The following TMEM51 variants were observed in gnomAD, a reference collection of about 807,000 sequenced individuals.
The protein encoded by TMEM51 is chromosome 1 open reading frame 72.
Under a neutral mutation model 13.6 loss-of-function variants are expected in TMEM51, and 8 were observed. The observed-to-expected ratio is 0.59, with a 90% CI of 0.35 to 1.07. TMEM51 has a LOEUF of 1.07. TMEM51 is among the 50% of genes least tolerant of loss of function. The pLI is 0.02. For missense variants in TMEM51, 279 were observed against 330.7 expected (o/e 0.84, Z 1.21); for synonymous variants, 147 against 144.4 (o/e 1.02, Z -0.13).
chr1:15,189,222 T>TTTTTTTTTTTTTTTTC (rs1643877980), intron 1 of TMEM51, among the ~76,000 whole-genome samples: 1 of 144,724 alleles, frequency 6.9e-6, no homozygotes, highest in Admixed American at 6.9e-5. Context: ...CCTTTTTTTT[T>TTTTTTTTTTTTTTTTC]TTTTTTTTTT....
At chr1:15,216,792 A>G (rs913843860) in intron 3 of TMEM51, among the ~76,000 whole-genome samples, 1 of 152,196 alleles carries the variant, frequency 6.6e-6, no homozygotes, top group Non-Finnish European at 1.5e-5. Context: ...ATATTTGTTA[A>G]TGTGGGACCA....
intron 1 of TMEM51, among the ~76,000 whole-genome samples, chr1:15,173,323 G>A (rs1016175886): frequency 2.0e-5 from 3 of 147,272 alleles, no homozygotes; most frequent in Non-Finnish European, 4.4e-5. Flanking sequence ...AGGTTCAAGC[G>A]ATTCTCCCGC....
rs932397062 is a variant in TMEM51 at position 15,162,856 on chromosome 1, G to T, written c.-267+8902G>T. On this transcript the variant is annotated intron_variant, in intron 1 of 3. Transcript: ENST00000376008. ...GAATGTTGGTTGCCAGGGGCTGGGG[G>T]AAGAGGAATGGGGAGTTAGGGTTTA... is the stretch of plus-strand genomic sequence containing the variant. Among the ~76,000 whole-genome samples the T allele has an allele frequency of 5.7e-4, 86 of 152,120 alleles. 1 individual carries two copies. The Middle Eastern group carries it at 0.017, about 30-fold the overall frequency.
At chr1:15,206,779 T>C (rs2100332350) in intron 1 of TMEM51, among the ~76,000 whole-genome samples, 1 of 152,322 alleles carries the variant, frequency 6.6e-6, no homozygotes, top group South Asian at 2.1e-4. Flanking sequence ...TCCTTTCTTC[T>C]TTTTCCCATC....
intron 1 of TMEM51, among the ~76,000 whole-genome samples, chr1:15,185,209 T>C (rs1406404422): frequency 2.0e-5 from 3 of 152,224 alleles, no homozygotes; most frequent in Admixed American, 6.5e-5. Flanking sequence ...AGGAAAAGAC[T>C]GTTCATTTTG....
At chr1:15,169,652 A>G (rs933124794) in intron 1 of TMEM51, among the ~76,000 whole-genome samples, 6 of 152,214 alleles carry the variant, frequency 3.9e-5, no homozygotes, top group Admixed American at 1.3e-4. Flanking sequence ...TTGTAGAAAC[A>G]ACCCAAATGT....
chr1:15,186,379 C>G (rs761295), intron 1 of TMEM51, among the ~76,000 whole-genome samples: 80,520 of 152,006 alleles, frequency 0.53, 21,812 homozygotes, highest in East Asian at 0.64. Context: ...AACAGTCTAC[C>G]CCAGAATGGC....
intron 1 of TMEM51, among the ~76,000 whole-genome samples, chr1:15,159,280 G>A (rs1052479659): frequency 6.6e-6 from 1 of 152,148 alleles, no homozygotes; most frequent in African/African-American, 2.4e-5. Flanking sequence ...TTTGCTGCAG[G>A]GGAGGTAGCA....
At chr1:15,166,413 G>A (rs1643000158) in intron 1 of TMEM51, among the ~76,000 whole-genome samples, 1 of 152,168 alleles carries the variant, frequency 6.6e-6, no homozygotes, top group African/African-American at 2.4e-5. Context: ...CGACTCATAG[G>A]CAACTGTGAG....
At chr1:15,216,993 G>C (rs1644442009) in intron 3 of TMEM51, among the ~76,000 whole-genome samples, 1 of 152,112 alleles carries the variant, frequency 6.6e-6, no homozygotes. Flanking sequence ...TGTGTTGTTT[G>C]AATTTTCTAC....
intron 1 of TMEM51, among the ~76,000 whole-genome samples, chr1:15,198,664 T>C (rs1644096502): frequency 6.6e-6 from 1 of 152,170 alleles, no homozygotes; most frequent in African/African-American, 2.4e-5. Context: ...GTGATCTGCC[T>C]GCCTCGGCCT....
In TMEM51 at chr1:15,214,912, A is replaced by G. The variant is rs933328002; in HGVS notation, c.-176A>G. 1.6e-6 allele frequency: 1 copy of G among 620,054 alleles called. No individual in the cohort carries two copies. The highest frequency in any genetic ancestry group is 2.8e-6 in the Non-Finnish European group (1 of 361,154). The allele number at this position is 620,054 out of a possible 1,614,324, so 38.4% of individuals were successfully genotyped here. The stretch of plus-strand genomic sequence containing the variant: ...CCTTCCAGGCCCTTCCACCGCAGCC[A>G]TCCGCACGGGAGGCCTCGCGATTGC... On this transcript the variant is annotated 5_prime_UTR_variant, in exon 3 of 4. Transcript: ENST00000376008.
At chr1:15,201,950 C>T (rs899478154) in intron 1 of TMEM51, among the ~76,000 whole-genome samples, 7 of 152,150 alleles carry the variant, frequency 4.6e-5, no homozygotes, top group Non-Finnish European at 1.5e-5. Flanking sequence ...TCACGTACCT[C>T]GACTTTTGGC....
At chr1:15,182,058 G>T (rs1643632491) in intron 1 of TMEM51, among the ~76,000 whole-genome samples, 1 of 152,026 alleles carries the variant, frequency 6.6e-6, no homozygotes, top group South Asian at 2.1e-4. Context: ...CTACTCGGGA[G>T]GCTGAGGCAG....
At chr1:15,193,579 T>C (rs367734222) in intron 1 of TMEM51, among the ~76,000 whole-genome samples, 1 of 38,210 alleles carries the variant, frequency 2.6e-5, no homozygotes, top group Admixed American at 4.0e-4. Flanking sequence ...TTCTTTCTTT[T>C]TTTTTTTTTT....
chr1:15,168,379 G>A (rs1643103963), intron 1 of TMEM51: 5 of 1,145,216 alleles, frequency 4.4e-6, no homozygotes, highest in Non-Finnish European at 5.6e-6. Flanking sequence ...AGAAAAGAAG[G>A]AAGGAAGGAC....
chr1:15,190,586 T>C (rs996036088), intron 1 of TMEM51, among the ~76,000 whole-genome samples: 1 of 152,056 alleles, frequency 6.6e-6, no homozygotes, highest in Non-Finnish European at 1.5e-5. Flanking sequence ...GGCTAAATAA[T>C]GCTCCCCTAC....
intron 1 of TMEM51, among the ~76,000 whole-genome samples, chr1:15,196,953 T>C (rs1274151151): frequency 6.6e-6 from 1 of 152,210 alleles, no homozygotes; most frequent in African/African-American, 2.4e-5. Flanking sequence ...GAATGAGCTC[T>C]TATCACTCAG....
chr1:15,170,290 T>TC (rs961600174), intron 1 of TMEM51, among the ~76,000 whole-genome samples: 1 of 150,130 alleles, frequency 6.7e-6, no homozygotes, highest in African/African-American at 2.4e-5. Context: ...TTCCCTCCTC[T>TC]CCCCCGGCCC....
Sources: allele counts gnomAD v4.1 joint callset (sites outside exome capture counted in the v4.1 genomes callset), GRCh38; gene constraint gnomAD v4.1.1; transcripts MANE v1.5; gene names NCBI Gene and HGNC (gene_info 2026-07-23, HGNC 2026-07-21).